Variants in DPYSL2 observed in about 807,000 individuals in gnomAD.
The protein encoded by DPYSL2 is dihydropyrimidinase like 2.
Under a neutral mutation model 69.9 loss-of-function variants are expected in DPYSL2, and 13 were observed. That is an observed-to-expected ratio of 0.19 (90% CI 0.12 to 0.30). The LOEUF (loss-of-function observed/expected upper bound fraction) is 0.30. Among genes scored for constraint, DPYSL2 ranks in the 10% least tolerant of loss-of-function variants. The pLI is 1.00. For missense variants in DPYSL2, 587 were observed against 918.9 expected (o/e 0.64, Z 4.67); for synonymous variants, 326 against 359.1 (o/e 0.91, Z 1.04).
At chr8:26,561,009 C>G (rs1801061502) in intron 1 of DPYSL2, among the ~76,000 whole-genome samples, 1 of 152,064 alleles carries the variant, frequency 6.6e-6, no homozygotes, top group Non-Finnish European at 1.5e-5. Flanking sequence ...CAGTTGCTGC[C>G]ACATCCATTA....
intron 3 of DPYSL2, among the ~76,000 whole-genome samples, chr8:26,596,167 C>A (rs970380388): frequency 2.6e-5 from 4 of 152,126 alleles, no homozygotes; most frequent in Non-Finnish European, 4.4e-5. Context: ...GGAGGAAGTG[C>A]AACTTTAGCT....
intron 1 of DPYSL2, among the ~76,000 whole-genome samples, chr8:26,548,833 G>A (rs1800825388): frequency 6.6e-6 from 1 of 151,696 alleles, no homozygotes; most frequent in Admixed American, 6.6e-5. Context: ...AGCTGTGATT[G>A]CGCCACTGCA....
chr8:26,629,209 A>G (rs561893934), intron 7 of DPYSL2, among the ~76,000 whole-genome samples: 1 of 151,792 alleles, frequency 6.6e-6, no homozygotes, highest in Non-Finnish European at 1.5e-5. Context: ...AGGCACACGC[A>G]GACAGGTAGG....
chr8:26,625,632 CT>C (rs1292014751), intron 4 of DPYSL2, among the ~76,000 whole-genome samples: 1 of 152,156 alleles, frequency 6.6e-6, no homozygotes, highest in African/African-American at 2.4e-5. Context: ...GCGACATCTG[CT>C]TGTTGAACTA....
At chr8:26,520,371 T>A (rs1269704491) in intron 1 of DPYSL2, among the ~76,000 whole-genome samples, 1 of 152,128 alleles carries the variant, frequency 6.6e-6, no homozygotes, top group Non-Finnish European at 1.5e-5. Flanking sequence ...ACTAGAGAGC[T>A]TTTTCTATCA....
At position 26,571,394 on chromosome 8, in the gene DPYSL2, G is replaced by A. The variant is rs530096915; in HGVS notation, c.355-10575G>A. On this transcript the variant is annotated intron_variant, in intron 1 of 13. Coordinates refer to ENST00000521913, the MANE Select transcript of DPYSL2 (RefSeq NM_001197293.3). The surrounding 1 kb of genome is among the most constrained non-coding windows in gnomAD (Gnocchi z 6.1). The stretch of plus-strand genomic sequence containing the variant: ...TGGAGACCAGCACGCAGGGGACCAC[G>A]TGCACACTCTTTGTTCGCCACCAGA... Among the ~76,000 whole-genome samples, 2 of 152,182 alleles carry A rather than the reference G, an allele frequency of 1.3e-5. No individual in the cohort carries two copies. The highest frequency in any genetic ancestry group is 1.9e-4 in the East Asian group (1 of 5,152).
rs1298803691 is a variant in DPYSL2, at chr8:26,610,548, T to A, written c.629-13595T>A. Among the ~76,000 whole-genome samples the A allele has an allele frequency of 6.6e-6, 1 of 152,130 alleles. No individual in the cohort carries two copies. Among genetic ancestry groups the A allele is most frequent in the Non-Finnish European group, 1.5e-5 (1 of 68,028 alleles). ...CAGAAGACTTAGCTAGATGAGTGAC[T>A]CAAAGTTCCATGCCTGGGGCCCTCC... On this transcript the variant is annotated intron_variant, in intron 3 of 13. Transcript: ENST00000521913. This position sits in a 1 kb window ranked among gnomAD's most constrained non-coding sequence, Gnocchi z 4.5.
At position 26,624,594 on chromosome 8, in the gene DPYSL2, C is replaced by T. The variant is rs1336174417; in HGVS notation, c.793+287C>T. Among the ~76,000 whole-genome samples, 1 of 152,092 alleles carries T rather than the reference C, an allele frequency of 6.6e-6. No homozygotes were observed. Among genetic ancestry groups the T allele is most frequent in the Non-Finnish European group, 1.5e-5 (1 of 68,016 alleles). ...TCACAGCTTATTGGTTTGTGAGCAC[C>T]GTGCTCTCTAGCCAGGGTGGGGAGT... On this transcript the variant is annotated intron_variant, in intron 4 of 13. Transcript: ENST00000521913. This position sits in a 1 kb window ranked among gnomAD's most constrained non-coding sequence, Gnocchi z 4.7.
chr8:26,580,904 GA>G lies in DPYSL2; in HGVS notation c.355-1064del, dbSNP rs761221123. Among the ~76,000 whole-genome samples the G allele has an allele frequency of 3.9e-5, 6 of 152,194 alleles. No individual in the cohort carries two copies. The highest frequency in any genetic ancestry group is 7.3e-5 in the Non-Finnish European group (5 of 68,030). On this transcript the variant is annotated intron_variant, in intron 1 of 13. Coordinates refer to ENST00000521913, the MANE Select transcript of DPYSL2 (RefSeq NM_001197293.3). This position sits in a 1 kb window ranked among gnomAD's most constrained non-coding sequence, Gnocchi z 4.1. The stretch of plus-strand genomic sequence containing the variant: ...CATCAGCAGCATTTGCAATAACGAT[GA>G]GTCATAATGTAGCATTTCTGTCACA...
chr8:26,655,563 T>C (rs1245462421), intron 13 of DPYSL2, 52 bp from the exon 14 acceptor site: 6 of 1,464,986 alleles, frequency 4.1e-6, no homozygotes, highest in Non-Finnish European at 5.6e-6. Context: ...AGCAGGATCT[T>C]GTGTGACTGT....
chr8:26,584,470 G>T (rs181364089), intron 3 of DPYSL2, among the ~76,000 whole-genome samples: 1 of 152,132 alleles, frequency 6.6e-6, no homozygotes, highest in Non-Finnish European at 1.5e-5. Flanking sequence ...AAATGGAGAC[G>T]ATACTCTCTA....
At position 26,619,226 on chromosome 8, in the gene DPYSL2, A is replaced by G. The variant is rs1406752768; in HGVS notation, c.629-4917A>G. Among the ~76,000 whole-genome samples, 2 of 152,172 alleles carry G rather than the reference A, an allele frequency of 1.3e-5. No homozygotes were observed. Among genetic ancestry groups the G allele is most frequent in the Non-Finnish European group, 2.9e-5 (2 of 68,032 alleles). On this transcript the variant is annotated intron_variant, in intron 3 of 13. Transcript: ENST00000521913. This position sits in a 1 kb window ranked among gnomAD's most constrained non-coding sequence, Gnocchi z 4.8. ...GGGGACTCTACTCCCTCCGGAAGTG[A>G]GTATGACATTCTGCCCTATTCCCTT...
At chr8:26,532,962 A>T (rs1412437603) in intron 1 of DPYSL2, among the ~76,000 whole-genome samples, 2 of 152,180 alleles carry the variant, frequency 1.3e-5, no homozygotes, top group Non-Finnish European at 2.9e-5. Flanking sequence ...AAGTGGCTGC[A>T]CTACTTTACA....
chr8:26,599,860 T>G (rs1039162833), intron 3 of DPYSL2, among the ~76,000 whole-genome samples: 1 of 152,192 alleles, frequency 6.6e-6, no homozygotes, highest in African/African-American at 2.4e-5. Context: ...CCATCTAATA[T>G]CAGAACATTC....
chr8:26,627,420 G>C lies in DPYSL2; in HGVS notation c.936+125G>C. ...AAGCAGAGGGACCTGGTGTTCCCTT[G>C]CTGGAGCTCTGCTCAGTCTCACCCA... On this transcript the variant is annotated intron_variant, in intron 6 of 13. Coordinates refer to ENST00000521913, the MANE Select transcript of DPYSL2 (RefSeq NM_001197293.3). This position sits in a 1 kb window ranked among gnomAD's most constrained non-coding sequence, Gnocchi z 6.9. The C allele has an allele frequency of 1.0e-6, 1 of 979,218 alleles. No individual in the cohort carries two copies. The highest frequency in any genetic ancestry group is 1.6e-6 in the Non-Finnish European group (1 of 634,222). 60.7% of individuals were successfully genotyped at this position (979,218 alleles called of 1,614,324 possible).
At chr8:26,632,565 G>T (rs181486877) in intron 7 of DPYSL2, among the ~76,000 whole-genome samples, 1 of 152,150 alleles carries the variant, frequency 6.6e-6, no homozygotes. Flanking sequence ...GAAGATAGGC[G>T]TAGTGGCTTG....
At chr8:26,590,460 C>T (rs1471117541) in intron 3 of DPYSL2, among the ~76,000 whole-genome samples, 4 of 149,132 alleles carry the variant, frequency 2.7e-5, no homozygotes, top group Non-Finnish European at 5.9e-5. Context: ...AAGAATCCAT[C>T]CACCCTCAGG....
chr8:26,649,661 C>A (rs1803243761), intron 11 of DPYSL2, among the ~76,000 whole-genome samples: 1 of 152,214 alleles, frequency 6.6e-6, no homozygotes, highest in Non-Finnish European at 1.5e-5. Context: ...GTGTTTCCTA[C>A]CATGAGGCTA....
intron 1 of DPYSL2, among the ~76,000 whole-genome samples, chr8:26,561,571 C>G (rs1801071718): frequency 6.6e-6 from 1 of 151,956 alleles, no homozygotes; most frequent in Admixed American, 6.6e-5. Context: ...CCACTTCACC[C>G]CGCTACTCAC....
Sources: gnomAD v4.1 joint callset for allele counts (sites outside exome capture counted in the v4.1 genomes callset) on GRCh38, gnomAD v4.1.1 for gene constraint, Gnocchi (gnomAD v3.1) non-coding constraint, MANE v1.5 for transcripts, NCBI Gene and HGNC (gene_info 2026-07-23, HGNC 2026-07-21) for gene names.